PCDH9: variants seen among roughly 807,000 people sequenced by gnomAD.
The protein encoded by PCDH9 is protocadherin-9.
PCDH9 carries 24 observed loss-of-function variants against 70.6 expected under a neutral mutation model. The ratio of observed to expected loss-of-function variants is 0.34; its 90% CI spans 0.25 to 0.48. PCDH9 has a LOEUF of 0.48. Ranked by LOEUF, PCDH9 falls within the 20% of genes least tolerant of loss-of-function variation. PCDH9 has a pLI of 0.99. For missense variants in PCDH9, 1,281 were observed against 1,503.6 expected, an observed-to-expected ratio of 0.85 and a Z score of 2.45; for synonymous variants, 562 against 558.5, an observed-to-expected ratio of 1.01 and a Z score of -0.09.
At chr13:66,779,339 C>T (rs1224156706) in intron 3 of PCDH9, among the ~76,000 whole-genome samples, 1 of 152,102 alleles carries the variant, frequency 6.6e-6, no homozygotes, top group Non-Finnish European at 1.5e-5. Flanking sequence ...ACCTAAGTGT[C>T]CACTGAGAGA....
chr13:66,864,641 C>G (rs886588976), intron 3 of PCDH9, among the ~76,000 whole-genome samples: 21 of 152,262 alleles, frequency 1.4e-4, no homozygotes, highest in African/African-American at 4.6e-4. Context: ...TCAAACTCTG[C>G]CCACTTTTTT....
intron 2 of PCDH9, among the ~76,000 whole-genome samples, chr13:67,129,549 A>G (rs1310895884): frequency 2.6e-5 from 4 of 152,112 alleles, no homozygotes; most frequent in African/African-American, 9.7e-5. Flanking sequence ...TGGTTAAAAT[A>G]ATATAATCAT....
intron 3 of PCDH9, among the ~76,000 whole-genome samples, chr13:66,764,936 A>G (rs2079688031): frequency 1.3e-5 from 2 of 152,000 alleles, no homozygotes; most frequent in African/African-American, 2.4e-5. Context: ...AACCATTATC[A>G]TCATACAATT....
intron 3 of PCDH9, among the ~76,000 whole-genome samples, chr13:66,766,209 T>C (rs2139262692): frequency 6.6e-6 from 1 of 152,040 alleles, no homozygotes; most frequent in Admixed American, 6.6e-5. Flanking sequence ...GCTCTGAGTG[T>C]GGATACTGGA....
intron 3 of PCDH9, among the ~76,000 whole-genome samples, chr13:66,864,736 T>C (rs1168104218): frequency 1.3e-5 from 2 of 152,242 alleles, no homozygotes; most frequent in African/African-American, 4.8e-5. Flanking sequence ...TGGACTGCAC[T>C]GCTTGTTTGT....
intron 2 of PCDH9, among the ~76,000 whole-genome samples, chr13:67,161,649 G>A (rs1008385307): frequency 2.6e-5 from 4 of 152,122 alleles, no homozygotes; most frequent in African/African-American, 7.2e-5. Context: ...ACTGTTGACC[G>A]TAGAATGTAC....
chr13:66,495,866 C>T (rs938204458), intron 4 of PCDH9, among the ~76,000 whole-genome samples: 1 of 152,138 alleles, frequency 6.6e-6, no homozygotes, highest in Non-Finnish European at 1.5e-5. Context: ...GTGACTCTGC[C>T]ACATATTGAG....
intron 4 of PCDH9, among the ~76,000 whole-genome samples, chr13:66,572,878 G>C (rs746091790): frequency 6.6e-6 from 1 of 152,018 alleles, no homozygotes; most frequent in Non-Finnish European, 1.5e-5. Context: ...TCCTACCTCA[G>C]ACTCCCAAGG....
At chr13:66,743,678 A>G (rs960825298) in intron 3 of PCDH9, among the ~76,000 whole-genome samples, 3 of 152,070 alleles carry the variant, frequency 2.0e-5, no homozygotes, top group Non-Finnish European at 4.4e-5. Flanking sequence ...AATATGAGTA[A>G]CACATATGTT....
At chr13:66,752,555 G>A (rs923003610) in intron 3 of PCDH9, among the ~76,000 whole-genome samples, 1 of 152,080 alleles carries the variant, frequency 6.6e-6, no homozygotes, top group African/African-American at 2.4e-5. Flanking sequence ...CCTTGGCCTC[G>A]CAAATGGCTG....
intron 2 of PCDH9, among the ~76,000 whole-genome samples, chr13:67,017,143 T>C (rs1469305947): frequency 6.6e-6 from 1 of 152,230 alleles, no homozygotes; most frequent in Non-Finnish European, 1.5e-5. Flanking sequence ...GCTGGCCATG[T>C]CCTGTCTTAC....
At chr13:66,921,829 A>G (rs1330406792) in intron 2 of PCDH9, among the ~76,000 whole-genome samples, 1 of 151,354 alleles carries the variant, frequency 6.6e-6, no homozygotes, top group Non-Finnish European at 1.5e-5. Context: ...AATATACAAA[A>G]CGATTCTAAG....
In PCDH9 at chr13:66,312,517, T is replaced by C. The variant is rs191977540; in HGVS notation, c.3341-7489A>G. On this transcript the variant is annotated intron_variant, in intron 4 of 4. Transcript: ENST00000377865. The stretch of plus-strand genomic sequence containing the variant: ...TGCCAGTTACTCAGGGGAACTAAGG[T>C]GGAAGGATTGCTTGAGCTGGGAGAT... Among the ~76,000 whole-genome samples the C allele has an allele frequency of 1.3e-3, 192 of 150,414 alleles. 1 individual carries two copies. The highest frequency in any genetic ancestry group is 4.6e-3 in the African/African-American group (186 of 40,848).
intron 2 of PCDH9, among the ~76,000 whole-genome samples, chr13:67,028,822 A>G (rs1231999184): frequency 6.6e-6 from 1 of 152,190 alleles, no homozygotes; most frequent in East Asian, 1.9e-4. Context: ...ATTTTAATGA[A>G]TAATCTATAA....
At chr13:66,493,223 C>T (rs1206926784) in intron 4 of PCDH9, among the ~76,000 whole-genome samples, 2 of 152,064 alleles carry the variant, frequency 1.3e-5, no homozygotes, top group East Asian at 3.8e-4. Context: ...AAAAGTTCAT[C>T]TATATTTTAT....
intron 4 of PCDH9, among the ~76,000 whole-genome samples, chr13:66,438,251 C>T (rs1957912432): frequency 2.0e-5 from 3 of 151,062 alleles, no homozygotes; most frequent in Non-Finnish European, 4.4e-5. Context: ...AAAAAAAGTA[C>T]TTAGGATATG....
At chr13:66,592,357 AAT>A (rs1202100108) in intron 4 of PCDH9, among the ~76,000 whole-genome samples, 2 of 151,650 alleles carry the variant, frequency 1.3e-5, no homozygotes, top group African/African-American at 4.8e-5. Context: ...AAGGGTCTAA[AAT>A]ATTCTATTTC....
chr13:67,030,543 C>G (rs1413301970), intron 2 of PCDH9, among the ~76,000 whole-genome samples: 2 of 151,950 alleles, frequency 1.3e-5, no homozygotes, highest in Non-Finnish European at 2.9e-5. Flanking sequence ...TCATTCCACT[C>G]TCTACCTTTG....
At chr13:67,012,806 C>T (rs2084477324) in intron 2 of PCDH9, among the ~76,000 whole-genome samples, 1 of 151,928 alleles carries the variant, frequency 6.6e-6, no homozygotes, top group South Asian at 2.1e-4. Flanking sequence ...TAAAGAGTCA[C>T]ACTGTAGCGA....
Sources: gnomAD v4.1 joint callset for allele counts (sites outside exome capture counted in the v4.1 genomes callset) on GRCh38, gnomAD v4.1.1 for gene constraint, MANE v1.5 for transcripts, NCBI Gene and HGNC (gene_info 2026-07-23, HGNC 2026-07-21) for gene names.